Variants in RNF182 observed in about 807,000 individuals in gnomAD.
RNF182 encodes ring finger protein 182.
Under a neutral mutation model 14.4 loss-of-function variants are expected in RNF182, and 15 were observed. The ratio of observed to expected loss-of-function variants is 1.04; its 90% CI spans 0.70 to 1.60. The LOEUF is 1.60. RNF182 is among the 40% of genes most tolerant of loss of function. RNF182 has a pLI of 0.00. For synonymous variants in RNF182, 128 were observed against 122.9 expected (o/e 1.04, Z -0.27); for missense variants, 268 against 294.8 (o/e 0.91, Z 0.67).
At chr6:13,942,870 T>C (rs1428235773) in intron 1 of RNF182, among the ~76,000 whole-genome samples, 1 of 152,222 alleles carries the variant, frequency 6.6e-6, no homozygotes, top group Non-Finnish European at 1.5e-5. Flanking sequence ...TTCTGTTCCG[T>C]TCTTATTTTT....
chr6:13,938,978 G>T (rs986249611), intron 1 of RNF182, among the ~76,000 whole-genome samples: 8 of 152,148 alleles, frequency 5.3e-5, no homozygotes, highest in African/African-American at 1.9e-4. Context: ...AGCTACTTGG[G>T]TGGCTGAGGC....
At position 13,925,014 on chromosome 6, in the gene RNF182, C is replaced by A. The variant is rs1439601980; in HGVS notation, c.-376C>A. ...GAGCGGCTCCCGGGCCCTGGGCCGC[C>A]GCCGGCCAGGTAAGGCGATCGCGCC... is the stretch of plus-strand genomic sequence containing the variant. On this transcript the variant is annotated 5_prime_UTR_variant, in exon 1 of 3. Coordinates refer to ENST00000488300, the MANE Select transcript of RNF182 (RefSeq NM_152737.4). 3 of 3,986 alleles carry A rather than the reference C, an allele frequency of 7.5e-4. No homozygotes were observed. In the Admixed American group the frequency reaches 8.6e-3, roughly 11 times the overall value. 0.2% of individuals were successfully genotyped at this position (3,986 alleles called of 1,614,324 possible).
chr6:13,964,682 G>A (rs900661013), intron 1 of RNF182, among the ~76,000 whole-genome samples: 15 of 152,192 alleles, frequency 9.9e-5, no homozygotes, highest in African/African-American at 3.1e-4. Flanking sequence ...GGTACCGAGG[G>A]CTGGCATCCA....
chr6:13,965,576 T>G (rs1307174353), intron 1 of RNF182, among the ~76,000 whole-genome samples: 2 of 152,162 alleles, frequency 1.3e-5, no homozygotes, highest in South Asian at 2.1e-4. Flanking sequence ...TAGAAGCTTC[T>G]AGACAGAGCA....
chr6:13,928,428 A>G (rs1161342972), intron 1 of RNF182, among the ~76,000 whole-genome samples: 1 of 152,186 alleles, frequency 6.6e-6, no homozygotes, highest in Admixed American at 6.5e-5. Flanking sequence ...TTTATTTTAT[A>G]TGTAATTCTT....
Position 13,977,291 on chromosome 6 carries a change from C to T in RNF182, c.172C>T (p.Pro58Ser), listed in dbSNP as rs147844333. ...LYKIIDFGDSPQGVIVCPFCR... is the reference protein window; with the variant it reads ...LYKIIDFGDSSQGVIVCPFCR... ...CAAGATCATAGACTTTGGGGACTCC[C>T]CACAAGGTGTCATTGTCTGTCCTTT... The change falls in exon 3 of 3, where the codon CCA (proline) becomes TCA (serine). Residue 58 changes from proline to serine, a missense_variant. Pro to Ser is a moderately conservative substitution (Grantham distance 74, BLOSUM62 -1). Coordinates refer to ENST00000488300, the MANE Select transcript of RNF182 (RefSeq NM_152737.4). 7.8e-5 allele frequency: 126 copies of T among 1,614,068 alleles called. No homozygotes were observed. Among genetic ancestry groups the T allele is most frequent in the Non-Finnish European group, 1.0e-4 (123 of 1,180,036 alleles).
chr6:13,934,187 T>C lies in RNF182; in HGVS notation c.-367+9164T>C, dbSNP rs140203376. 3.0e-3 allele frequency among the ~76,000 whole-genome samples: 451 copies of C among 152,320 alleles called. 3 individuals are homozygous for C. Among genetic ancestry groups the C allele is most frequent in the Non-Finnish European group, 5.1e-3 (349 of 68,024 alleles). ...GTTGCACCAGCCACATTTCAAGTGC[T>C]CAATAGCCAAACATGACTAGTGGCT... On this transcript the variant is annotated intron_variant, in intron 1 of 2. Coordinates refer to ENST00000488300, the MANE Select transcript of RNF182 (RefSeq NM_152737.4).
At chr6:13,969,105 T>TTTGTTGTTGTTGTTGTTGTTG (rs57502789) in intron 1 of RNF182, among the ~76,000 whole-genome samples, 2 of 151,058 alleles carry the variant, frequency 1.3e-5, no homozygotes, top group East Asian at 3.9e-4. Flanking sequence ...GTCTCTGTTT[T>TTTGTTGTTGTTGTTGTTGTTG]TTGTTGTTGT....
intron 1 of RNF182, chr6:13,949,549 T>C (rs907613635): frequency 6.1e-6 from 3 of 491,040 alleles, no homozygotes; most frequent in East Asian, 4.2e-5. Flanking sequence ...TGTTCTGCAG[T>C]AAAACCCAGA....
intron 1 of RNF182, among the ~76,000 whole-genome samples, chr6:13,925,691 T>TAGA (rs1291302440): frequency 4.6e-5 from 7 of 152,300 alleles, no homozygotes; most frequent in South Asian, 2.1e-4. Context: ...AGGTCATTGC[T>TAGA]TTTGTTTCTA....
chr6:13,930,933 T>C (rs2113578206), intron 1 of RNF182, among the ~76,000 whole-genome samples: 1 of 152,336 alleles, frequency 6.6e-6, no homozygotes, highest in East Asian at 1.9e-4. Context: ...ATGATTGCTT[T>C]GTTAATTACC....
At chr6:13,933,172 A>G (rs928546147) in intron 1 of RNF182, among the ~76,000 whole-genome samples, 6 of 152,142 alleles carry the variant, frequency 3.9e-5, no homozygotes, top group African/African-American at 1.4e-4. Context: ...CTTTTCAGGT[A>G]GTATTGATTT....
chr6:13,956,191 T>C (rs1383916593), intron 1 of RNF182, among the ~76,000 whole-genome samples: 1 of 152,242 alleles, frequency 6.6e-6, no homozygotes, highest in East Asian at 1.9e-4. Context: ...CATTCATCTG[T>C]TGATGGCCAC....
At chr6:13,943,182 A>T (rs1170777840) in intron 1 of RNF182, among the ~76,000 whole-genome samples, 1 of 152,206 alleles carries the variant, frequency 6.6e-6, no homozygotes, top group African/African-American at 2.4e-5. Context: ...TACTCATCCA[A>T]ATAAAAAATA....
chr6:13,964,806 G>C (rs1424232146), intron 1 of RNF182, among the ~76,000 whole-genome samples: 1 of 152,202 alleles, frequency 6.6e-6, no homozygotes, highest in East Asian at 1.9e-4. Flanking sequence ...CCCATAGTGT[G>C]TGTGTTCCAC....
intron 1 of RNF182, among the ~76,000 whole-genome samples, chr6:13,960,801 G>A (rs1023961425): frequency 4.6e-5 from 7 of 152,112 alleles, no homozygotes; most frequent in African/African-American, 1.4e-4. Context: ...TATAACCTAT[G>A]CTAATTTCTT....
intron 1 of RNF182, among the ~76,000 whole-genome samples, chr6:13,939,005 C>A (rs9370576): frequency 0.3 from 46,316 of 151,998 alleles, 7,698 homozygotes; most frequent in East Asian, 0.57. Flanking sequence ...ATTGCTTGAA[C>A]CCAGGAGGCA....
chr6:13,950,791 C>T (rs942302661), intron 1 of RNF182, among the ~76,000 whole-genome samples: 8 of 151,896 alleles, frequency 5.3e-5, no homozygotes, highest in Non-Finnish European at 1.2e-4. Context: ...GCCACCACAC[C>T]TGCACTCCCC....
At chr6:13,931,743 G>C (rs1163339564) in intron 1 of RNF182, among the ~76,000 whole-genome samples, 1 of 151,914 alleles carries the variant, frequency 6.6e-6, no homozygotes, top group Non-Finnish European at 1.5e-5. Context: ...CGACCTTGAG[G>C]TAGCTGCTTA....
Sources: gnomAD v4.1 joint callset for allele counts (sites outside exome capture counted in the v4.1 genomes callset) on GRCh38, gnomAD v4.1.1 for gene constraint, MANE v1.5 for transcripts, NCBI Gene and HGNC (gene_info 2026-07-23, HGNC 2026-07-21) for gene names.